Variants in OTOA observed in about 807,000 individuals in gnomAD.
OTOA encodes the protein cancer/testis antigen 108.
Under a neutral mutation model 110.8 loss-of-function variants are expected in OTOA, and 70 were observed. The observed-to-expected ratio is 0.63, with a 90% CI of 0.52 to 0.77. The LOEUF is 0.77. Among genes scored for constraint, OTOA ranks in the 30% least tolerant of loss-of-function variants. The pLI is 0.00. For missense variants in OTOA, 917 were observed against 1,075.8 expected, an observed-to-expected ratio of 0.85 and a Z score of 2.06; for synonymous variants, 373 against 431.5, an observed-to-expected ratio of 0.86 and a Z score of 1.68.
At chr16:21,673,727 G>A (rs1380522868) in intron 1 of OTOA, among the ~76,000 whole-genome samples, 1 of 152,074 alleles carries the variant, frequency 6.6e-6, no homozygotes, top group Non-Finnish European at 1.5e-5. Context: ...CATTTAGATT[G>A]GTTCAATTTT....
intron 22 of OTOA, among the ~76,000 whole-genome samples, chr16:21,738,527 A>G (rs1331076350): frequency 7.1e-6 from 1 of 140,820 alleles, no homozygotes; most frequent in African/African-American, 2.6e-5. Flanking sequence ...GGGGAGCTAG[A>G]AAGGGGATGG....
intron 1 of OTOA, among the ~76,000 whole-genome samples, chr16:21,669,333 A>T (rs541082651): frequency 9.9e-5 from 15 of 151,906 alleles, no homozygotes; most frequent in Non-Finnish European, 2.1e-4. Flanking sequence ...ACAGAGTGAG[A>T]CTCTGTCCCC....
intron 13 of OTOA, 86 bp from the exon 14 acceptor site, chr16:21,714,899 A>G (rs1898501413): frequency 1.3e-6 from 2 of 1,565,956 alleles, no homozygotes; most frequent in Non-Finnish European, 8.7e-7. Context: ...ACCCATCCCT[A>G]TACTTGGCAC....
chr16:21,719,120 T>A lies in OTOA; in HGVS notation c.1630-13T>A, dbSNP rs746295353. On this transcript the variant is annotated splice_polypyrimidine_tract_variant and intron_variant, in intron 15 of 28. Transcript: ENST00000646100. ...GTGTGCCATCAGTGCTAACGATCAT[T>A]CTCTTCTCGCAGGCTCTGTTCCTGT... The A allele has an allele frequency of 2.3e-5, 37 of 1,612,880 alleles. No individual in the cohort carries two copies. The Admixed American group carries it at 4.2e-4, about 18-fold the overall frequency.
chr16:21,752,152 C>T, intron 25 of OTOA, 75 bp downstream of exon 25: 1 of 193,736 alleles, frequency 5.2e-6, no homozygotes. Context: ...TCCATCCATC[C>T]ATCCATCCAT....
At chr16:21,671,146 C>T (rs1966848477) in intron 1 of OTOA, among the ~76,000 whole-genome samples, 1 of 152,092 alleles carries the variant, frequency 6.6e-6, no homozygotes, top group African/African-American at 2.4e-5. Context: ...ATTTAATAAA[C>T]TTGTATACAG....
chr16:21,728,929 C>T (rs1899019934), intron 20 of OTOA, among the ~76,000 whole-genome samples: 1 of 152,028 alleles, frequency 6.6e-6, no homozygotes, highest in African/African-American at 2.4e-5. Flanking sequence ...TAGTAGCTGC[C>T]CTAAAAATCT....
At chr16:21,713,702 C>T (rs1898427317) in intron 13 of OTOA, among the ~76,000 whole-genome samples, 1 of 152,208 alleles carries the variant, frequency 6.6e-6, no homozygotes, top group Non-Finnish European at 1.5e-5. Context: ...TTGTTTAACT[C>T]CTGTGCTCAC....
intron 13 of OTOA, among the ~76,000 whole-genome samples, chr16:21,714,703 G>A (rs1031425837): frequency 6.6e-6 from 1 of 151,986 alleles, no homozygotes; most frequent in East Asian, 1.9e-4. Flanking sequence ...GTAGAGATGG[G>A]GTTGCACCAT....
chr16:21,728,687 C>A (rs1303304731), intron 20 of OTOA, among the ~76,000 whole-genome samples: 1 of 151,454 alleles, frequency 6.6e-6, no homozygotes, highest in African/African-American at 2.4e-5. Context: ...CTCCCTGGTT[C>A]AAGCGATTCT....
chr16:21,678,351 A>G (rs1393555587), intron 1 of OTOA, among the ~76,000 whole-genome samples, 160 bp from the exon 2 acceptor site: 1 of 152,038 alleles, frequency 6.6e-6, no homozygotes, highest in Non-Finnish European at 1.5e-5. Context: ...TATTTTTAAA[A>G]AAGACTTCAA....
intron 10 of OTOA, 132 bp downstream of exon 10, chr16:21,698,007 C>A (rs1020461887): frequency 1.5e-5 from 11 of 754,092 alleles, no homozygotes; most frequent in East Asian, 2.7e-5. Flanking sequence ...GCCCAATAGA[C>A]CTTGGGCCTC....
chr16:21,726,788 G>T, intron 19 of OTOA, 130 bp downstream of exon 19: 1 of 1,318,848 alleles, frequency 7.6e-7, no homozygotes. Flanking sequence ...GGGTCTTGAA[G>T]CTTACTCTAA....
At chr16:21,679,454 T>G (rs888548263) in intron 5 of OTOA, among the ~76,000 whole-genome samples, 1 of 152,072 alleles carries the variant, frequency 6.6e-6, no homozygotes, top group African/African-American at 2.4e-5. Context: ...CAGGATGGAG[T>G]GCAGTGGTGC....
intron 12 of OTOA, 73 bp from the exon 13 acceptor site, chr16:21,709,815 G>T: frequency 7.5e-7 from 1 of 1,329,944 alleles, no homozygotes; most frequent in South Asian, 1.2e-5. Context: ...AGTCCTAATA[G>T]CCCTGGATAT....
At chr16:21,667,613 AC>A (rs976376977) in intron 1 of OTOA, among the ~76,000 whole-genome samples, 4 of 151,858 alleles carry the variant, frequency 2.6e-5, no homozygotes, top group East Asian at 1.9e-4. Flanking sequence ...AAAAAAAAAA[AC>A]AATTAAATAA....
chr16:21,722,095 T>TAAA (rs1898764167), intron 17 of OTOA, among the ~76,000 whole-genome samples: 1 of 94,270 alleles, frequency 1.1e-5, no homozygotes, highest in Admixed American at 1.1e-4. Flanking sequence ...CCACTAAAAA[T>TAAA]ACAAAAAAAA....
At chr16:21,707,552 TCCTC>T (rs1031299267) in intron 12 of OTOA, among the ~76,000 whole-genome samples, 96 of 149,218 alleles carry the variant, frequency 6.4e-4, no homozygotes, top group Non-Finnish European at 8.8e-4. Flanking sequence ...TTCCCTCCCT[TCCTC>T]CCTCCCTCCC....
rs1898577615 is a variant in OTOA, at chr16:21,717,026, T to A, written c.1608T>A (p.Asp536Glu). The change falls in exon 15 of 29, where the codon GAT becomes GAA. Residue 536 changes from aspartate (D) to glutamate (E), a missense_variant. Around this residue, in one of 6 missense-constraint regions of OTOA, gnomAD observed 840 missense variants for 910.2 expected, o/e 0.92. Transcript: ENST00000646100. ...QPGFNSTVLKDKELGRSQALF... is the reference protein window; with the variant it reads ...QPGFNSTVLKEKELGRSQALF... ...GATTCAACTCTACAGTCCTGAAGGATAAGGAACTTGGAAGGAGCCAGGTAT... is the reference window on the plus strand; with the variant it reads ...GATTCAACTCTACAGTCCTGAAGGAAAAGGAACTTGGAAGGAGCCAGGTAT... The A allele has an allele frequency of 6.2e-7, 1 of 1,614,026 alleles. No homozygotes were observed. Among genetic ancestry groups the A allele is most frequent in the African/African-American group, 1.3e-5 (1 of 74,914 alleles).
Sources: allele counts gnomAD v4.1 joint callset (sites outside exome capture counted in the v4.1 genomes callset), GRCh38; gene constraint gnomAD v4.1.1; regional missense constraint gnomAD v4.1.1; transcripts MANE v1.5; gene names NCBI Gene and HGNC (gene_info 2026-07-23, HGNC 2026-07-21).